The following WDFY2 variants were observed in gnomAD, a reference collection of about 807,000 sequenced individuals.
The protein encoded by WDFY2 is WD repeat and FYVE domain-containing protein 2.
A neutral mutation model predicts 56.4 loss-of-function variants in WDFY2; 36 were observed. The ratio of observed to expected loss-of-function variants is 0.64; its 90% CI spans 0.49 to 0.84. WDFY2 has a LOEUF of 0.84. Among genes scored for constraint, WDFY2 ranks in the 40% least tolerant of loss-of-function variants. The probability of loss-of-function intolerance (pLI) is 0.00; values close to 1 mark genes in which losing one functional copy is unlikely to be tolerated. For synonymous variants in WDFY2, 176 were observed against 183.7 expected, an observed-to-expected ratio of 0.96 and a Z score of 0.34; for missense variants, 444 against 512.2, an observed-to-expected ratio of 0.87 and a Z score of 1.29.
At chr13:51,716,508 C>T (rs376013934) in intron 4 of WDFY2, among the ~76,000 whole-genome samples, 1,597 of 151,166 alleles carry the variant, frequency 0.011, 26 homozygotes, top group African/African-American at 0.036. Context: ...CCGGCTAAAA[C>T]GGTGAAACCC....
intron 3 of WDFY2, among the ~76,000 whole-genome samples, chr13:51,697,889 A>G (rs1053282499): frequency 1.3e-5 from 2 of 152,240 alleles, no homozygotes; most frequent in African/African-American, 4.8e-5. Context: ...TAATTCTTCA[A>G]TTATAATTGT....
intron 1 of WDFY2, chr13:51,591,883 C>T (rs1289856394): frequency 2.0e-5 from 3 of 151,722 alleles, no homozygotes; most frequent in African/African-American, 4.8e-5. Context: ...CTGAAATTCC[C>T]ATTGACATTA....
chr13:51,745,973 CTTT>C (rs59572351), intron 7 of WDFY2, among the ~76,000 whole-genome samples: 22 of 100,738 alleles, frequency 2.2e-4, no homozygotes, highest in South Asian at 7.1e-4. Context: ...TTTTCTTTTT[CTTT>C]TTTTTTTTTT....
intron 5 of WDFY2, among the ~76,000 whole-genome samples, chr13:51,721,990 C>T (rs1315544267): frequency 9.2e-6 from 1 of 108,200 alleles, no homozygotes; most frequent in East Asian, 3.4e-4. Flanking sequence ...CACCCCCCAC[C>T]CTTCTCTGTT....
intron 2 of WDFY2, among the ~76,000 whole-genome samples, chr13:51,670,097 C>G (rs1955780340): frequency 6.6e-6 from 1 of 152,160 alleles, no homozygotes; most frequent in South Asian, 2.1e-4. Flanking sequence ...TCTTATTCTT[C>G]CTGCCAAAGG....
chr13:51,718,070 GTATTAT>G (rs1230852282), intron 4 of WDFY2, among the ~76,000 whole-genome samples: 7 of 152,198 alleles, frequency 4.6e-5, no homozygotes, highest in Admixed American at 4.6e-4. Flanking sequence ...TTGGCAGATG[GTATTAT>G]TATTGTCAGC....
chr13:51,686,016 C>T (rs1956057382), intron 3 of WDFY2, among the ~76,000 whole-genome samples: 1 of 152,180 alleles, frequency 6.6e-6, no homozygotes, highest in Admixed American at 6.6e-5. Context: ...TTCTTCCCAA[C>T]ACTCTGATAG....
At chr13:51,611,619 C>G (rs750259938) in intron 1 of WDFY2, among the ~76,000 whole-genome samples, 1 of 152,074 alleles carries the variant, frequency 6.6e-6, no homozygotes, top group African/African-American at 2.4e-5. Context: ...TCTTGCTGGT[C>G]GAACCTCAAT....
intron 1 of WDFY2, among the ~76,000 whole-genome samples, chr13:51,653,969 G>C (rs1199092057): frequency 1.3e-5 from 2 of 151,618 alleles, no homozygotes; most frequent in South Asian, 4.2e-4. Context: ...AGAGGTTTCT[G>C]CTGCCTTTTG....
At chr13:51,693,107 A>G (rs1038615893) in intron 3 of WDFY2, among the ~76,000 whole-genome samples, 2 of 151,902 alleles carry the variant, frequency 1.3e-5, no homozygotes, top group Admixed American at 1.3e-4. Flanking sequence ...TAGTCTTGCT[A>G]GTGGTCTGTC....
At chr13:51,600,559 T>G (rs1053269915) in intron 1 of WDFY2, among the ~76,000 whole-genome samples, 6 of 152,162 alleles carry the variant, frequency 3.9e-5, no homozygotes, top group Non-Finnish European at 5.9e-5. Context: ...CAGGGAGAGA[T>G]TGATCTCAGA....
At chr13:51,626,478 G>T (rs1954837585) in intron 1 of WDFY2, among the ~76,000 whole-genome samples, 1 of 152,170 alleles carries the variant, frequency 6.6e-6, no homozygotes, top group Non-Finnish European at 1.5e-5. Context: ...ACAAGGCTCA[G>T]TAATAGCTCC....
intron 4 of WDFY2, among the ~76,000 whole-genome samples, chr13:51,705,082 C>T (rs1190021824): frequency 6.6e-6 from 1 of 152,172 alleles, no homozygotes; most frequent in Non-Finnish European, 1.5e-5. Context: ...AGCCAGCTGC[C>T]ATGTTGTGAG....
chr13:51,625,426 G>C (rs978644290), intron 1 of WDFY2, among the ~76,000 whole-genome samples: 1 of 152,214 alleles, frequency 6.6e-6, no homozygotes, highest in Non-Finnish European at 1.5e-5. Context: ...TTTTAAGGTG[G>C]GAAGGAATGT....
At position 51,599,251 on chromosome 13, in the gene WDFY2, G is replaced by A. The variant is rs141471757; in HGVS notation, c.137+14427G>A. On this transcript the variant is annotated intron_variant, in intron 1 of 11. Coordinates refer to ENST00000298125, the MANE Select transcript of WDFY2 (RefSeq NM_052950.4). The stretch of plus-strand genomic sequence containing the variant: ...TTTTGACACCCAGAGGGATAACATT[G>A]CTTTGGCCTTGGAGGCTACTTACTG... The A allele has an allele frequency of 4.6e-5, 7 of 152,340 alleles. No individual in the cohort carries two copies. In the East Asian group the frequency reaches 1.2e-3, roughly 25 times the overall value. 9.4% of individuals were successfully genotyped at this position (152,340 alleles called of 1,614,324 possible). A position where few individuals can be genotyped will look rare whatever the true frequency, so the allele number is the denominator to read the frequency against.
In WDFY2 at chr13:51,760,042, C is replaced by T. The variant is rs1000267595; in HGVS notation, c.*273C>T. ...CTGTGCTGCATTGTTTTGAGTGTAC[C>T]GAAAAATCTGTGTGGGGTGTTTAAT... is the stretch of plus-strand genomic sequence containing the variant. On this transcript the variant is annotated 3_prime_UTR_variant, in exon 12 of 12. Coordinates refer to ENST00000298125, the MANE Select transcript of WDFY2 (RefSeq NM_052950.4). 3.4e-5 allele frequency: 12 copies of T among 350,634 alleles called. No individual in the cohort carries two copies. The highest frequency in any genetic ancestry group is 1.8e-4 in the Admixed American group (4 of 22,788). 21.7% of individuals were successfully genotyped at this position (350,634 alleles called of 1,614,324 possible).
chr13:51,656,950 T>G (rs1244455250), intron 1 of WDFY2, among the ~76,000 whole-genome samples: 1 of 152,108 alleles, frequency 6.6e-6, no homozygotes, highest in African/African-American at 2.4e-5. Flanking sequence ...TCTGTTTTTG[T>G]GAGTTTAATC....
Position 51,727,686 on chromosome 13 carries a change from T to C in WDFY2, c.494T>C (p.Val165Ala), listed in dbSNP as rs1241330387. ...SAVASGLQFD[V>A]ETRHVFIGDH... Reference sequence around the variant, plus strand: ...TAATGCTTTCATGACAGATTTGATGTTGAAACCCGGCATGTGTTTATCGGT... The same window carrying C: ...TAATGCTTTCATGACAGATTTGATGCTGAAACCCGGCATGTGTTTATCGGT... Residue 165 changes from valine (V) to alanine (A), a missense_variant, in exon 6 of 12, where the codon GTT becomes GCT. By Grantham distance (64) the Val-to-Ala change is moderately conservative. Coordinates refer to ENST00000298125, the MANE Select transcript of WDFY2 (RefSeq NM_052950.4). 2 of 1,613,216 alleles carry C rather than the reference T, an allele frequency of 1.2e-6. No homozygotes were observed. Among genetic ancestry groups the C allele is most frequent in the African/African-American group, 2.7e-5 (2 of 74,914 alleles).
At position 51,584,527 on chromosome 13, in the gene WDFY2, C is replaced by T. The variant is rs1953895117; in HGVS notation, c.-161C>T. 3 of 1,003,498 alleles carry T rather than the reference C, an allele frequency of 3.0e-6. No individual in the cohort carries two copies. The highest frequency in any genetic ancestry group is 2.8e-6 in the Non-Finnish European group (2 of 716,716). The allele number at this position is 1,003,498 out of a possible 1,614,324, so 62.2% of individuals were successfully genotyped here. ...GTGCCTGAAGCAGGGAGCGCGGAGT[C>T]GTTCCCGAGAGAGGCGGCCAGGCTA... On this transcript the variant is annotated 5_prime_UTR_variant, in exon 1 of 12. Coordinates refer to ENST00000298125, the MANE Select transcript of WDFY2 (RefSeq NM_052950.4).
Sources: gnomAD v4.1 joint callset for allele counts (sites outside exome capture counted in the v4.1 genomes callset) on GRCh38, gnomAD v4.1.1 for gene constraint, MANE v1.5 for transcripts, NCBI Gene and HGNC (gene_info 2026-07-23, HGNC 2026-07-21) for gene names.